RPS6KA2: variants seen among roughly 807,000 people sequenced by gnomAD.
RPS6KA2 encodes the protein ribosomal protein S6 kinase A2.
A neutral mutation model predicts 91.8 loss-of-function variants in RPS6KA2; 42 were observed. The observed-to-expected ratio is 0.46, with a 90% CI of 0.36 to 0.59. The LOEUF (loss-of-function observed/expected upper bound fraction) is 0.59, where lower values mean the gene tolerates loss of function less well. Ranked by LOEUF, RPS6KA2 falls within the 20% of genes least tolerant of loss-of-function variation. The pLI, the probability that RPS6KA2 is intolerant of heterozygous loss-of-function variation, is 0.00. For missense variants in RPS6KA2, 798 were observed against 978.5 expected (o/e 0.82, Z 2.46); for synonymous variants, 414 against 393.6 (o/e 1.05, Z -0.61).
Position 166,554,801 on chromosome 6 carries a change from A to G in RPS6KA2, c.100-16017T>C, listed in dbSNP as rs898220978. 6.6e-6 allele frequency among the ~76,000 whole-genome samples: 1 copy of G among 152,190 alleles called. No individual in the cohort carries two copies. ...TGAGAATTCTGATGTCAATGTGAGG[A>G]GACACTGCCCAGACCAGCAACTCCA... On this transcript the variant is annotated intron_variant, in intron 1 of 20. Coordinates refer to ENST00000265678, the MANE Select transcript of RPS6KA2 (RefSeq NM_021135.6). This position sits in a 1 kb window ranked among gnomAD's most constrained non-coding sequence, Gnocchi z 4.3.
At chr6:166,484,402 A>G (rs1420021303) in intron 10 of RPS6KA2, among the ~76,000 whole-genome samples, 1 of 152,038 alleles carries the variant, frequency 6.6e-6, no homozygotes, top group African/African-American at 2.4e-5. Context: ...CCTTCCTCCA[A>G]CCACAGATGC....
intron 2 of RPS6KA2, among the ~76,000 whole-genome samples, chr6:166,774,283 G>A (rs655734): frequency 0.13 from 20,391 of 152,140 alleles, 3,887 homozygotes; most frequent in African/African-American, 0.42. Flanking sequence ...GATTGTGCAC[G>A]TTCCTCAAAA....
intron 2 of RPS6KA2, among the ~76,000 whole-genome samples, chr6:166,669,577 G>T (rs1362797796): frequency 2.6e-5 from 4 of 152,174 alleles, no homozygotes; most frequent in African/African-American, 9.7e-5. Flanking sequence ...AGCACCGTTG[G>T]CTGCAAGACT....
intron 2 of RPS6KA2, among the ~76,000 whole-genome samples, chr6:166,785,925 T>C (rs1280240952): frequency 6.6e-6 from 1 of 152,200 alleles, no homozygotes; most frequent in Non-Finnish European, 1.5e-5. Flanking sequence ...TCTAACAAAA[T>C]AATAATAAAA....
chr6:166,653,345 G>A (rs1037903984), intron 2 of RPS6KA2, among the ~76,000 whole-genome samples: 1 of 152,220 alleles, frequency 6.6e-6, no homozygotes, highest in Non-Finnish European at 1.5e-5. Flanking sequence ...ACAGGCGTGA[G>A]CCGCCCTGCC....
At chr6:166,717,409 G>A (rs1328935644) in intron 2 of RPS6KA2, among the ~76,000 whole-genome samples, 2 of 152,170 alleles carry the variant, frequency 1.3e-5, no homozygotes, top group Non-Finnish European at 2.9e-5. Context: ...AGAGGCTGGC[G>A]CTGGGCACAC....
Position 166,557,906 on chromosome 6 carries a change from C to T in RPS6KA2, c.100-19122G>A, listed in dbSNP as rs917441727. Among the ~76,000 whole-genome samples, 1 of 151,820 alleles carries T rather than the reference C, an allele frequency of 6.6e-6. No individual in the cohort carries two copies. Among genetic ancestry groups the T allele is most frequent in the African/African-American group, 2.4e-5 (1 of 41,302 alleles). ...GTCAGGGTTCTTCAGAAAAACAAAACCAGTAGGTGATATGTGTGTATGTGT... is the reference window on the plus strand; with the variant it reads ...GTCAGGGTTCTTCAGAAAAACAAAATCAGTAGGTGATATGTGTGTATGTGT... On this transcript the variant is annotated intron_variant, in intron 1 of 20. Coordinates refer to ENST00000265678, the MANE Select transcript of RPS6KA2 (RefSeq NM_021135.6). This position sits in a 1 kb window ranked among gnomAD's most constrained non-coding sequence, Gnocchi z 4.8.
At chr6:166,757,721 T>C in intron 2 of RPS6KA2, 1 of 375,982 alleles carries the variant, frequency 2.7e-6, no homozygotes, top group Admixed American at 2.9e-5. Flanking sequence ...TCCTCTTCCC[T>C]CCCCTCACCC....
chr6:166,484,278 G>GGACACAAAGATGAGCCA (rs1781333229), intron 10 of RPS6KA2, among the ~76,000 whole-genome samples: 1 of 152,182 alleles, frequency 6.6e-6, no homozygotes, highest in Non-Finnish European at 1.5e-5. Flanking sequence ...TCCGAGAGCT[G>GGACACAAAGATGAGCCA]GACACAAAGA....
At chr6:166,586,270 T>C (rs1263193843) in intron 1 of RPS6KA2, 1 of 1,597,546 alleles carries the variant, frequency 6.3e-7, no homozygotes, top group African/African-American at 1.7e-5. Context: ...CACCCCCATC[T>C]GTTGTCCCTG....
chr6:166,706,844 T>C (rs563368472), intron 2 of RPS6KA2, among the ~76,000 whole-genome samples: 1 of 152,334 alleles, frequency 6.6e-6, no homozygotes, highest in South Asian at 2.1e-4. Flanking sequence ...AGTAAAATAG[T>C]ATTAAACAAG....
chr6:166,526,446 A>C (rs1020022711), intron 3 of RPS6KA2, among the ~76,000 whole-genome samples: 1 of 149,426 alleles, frequency 6.7e-6, no homozygotes, highest in Non-Finnish European at 1.5e-5. Context: ...CTTGGGCTTA[A>C]GCAATCCTCC....
At chr6:166,765,959 TC>T (rs1178601332) in intron 2 of RPS6KA2, among the ~76,000 whole-genome samples, 1 of 152,216 alleles carries the variant, frequency 6.6e-6, no homozygotes, top group African/African-American at 2.4e-5. Context: ...ACAAAACACT[TC>T]CCGCTTTCTA....
rs574865598 is a variant in RPS6KA2 at position 166,414,029 on chromosome 6, C to T, written c.1939-98G>A. 5.4e-6 allele frequency: 6 copies of T among 1,111,226 alleles called. No individual in the cohort carries two copies. In the South Asian group the frequency reaches 5.8e-5, roughly 11 times the overall value. 68.8% of individuals were successfully genotyped at this position (1,111,226 alleles called of 1,614,324 possible). A position where few individuals can be genotyped will look rare whatever the true frequency, so the allele number is the denominator to read the frequency against. ...GAACTCCTCTCCCTCTATGGCAACA[C>T]CCAACCACTATGCTGAGTGTGGGTC... On this transcript the variant is annotated intron_variant, in intron 19 of 20. Coordinates refer to ENST00000265678, the MANE Select transcript of RPS6KA2 (RefSeq NM_021135.6).
At chr6:166,693,850 T>C (rs149918604) in intron 2 of RPS6KA2, among the ~76,000 whole-genome samples, 1 of 152,304 alleles carries the variant, frequency 6.6e-6, no homozygotes, top group African/African-American at 2.4e-5. Context: ...TCACCAAGCT[T>C]AGACACACCC....
At chr6:166,776,608 C>T (rs867602754) in intron 2 of RPS6KA2, among the ~76,000 whole-genome samples, 13 of 152,300 alleles carry the variant, frequency 8.5e-5, no homozygotes, top group Middle Eastern at 3.4e-3. Context: ...CAATCCGTGC[C>T]GTCTCTGTGG....
rs1787680232 is a variant in RPS6KA2, at chr6:166,647,885, C to T, written c.124-109101G>A. On this transcript the variant is annotated intron_variant, in intron 2 of 21. Coordinates refer to the RPS6KA2 transcript ENST00000503859. ...ATACACACATGCACATGCTGACACA[C>T]ATACATACACACATGCTCACACACA... Among the ~76,000 whole-genome samples, 3 of 147,602 alleles carry T rather than the reference C, an allele frequency of 2.0e-5. 1 individual carries two copies. Among genetic ancestry groups the T allele is most frequent in the African/African-American group, 2.5e-5 (1 of 40,102 alleles).
intron 1 of RPS6KA2, among the ~76,000 whole-genome samples, chr6:166,601,469 C>T (rs1785726206): frequency 1.3e-5 from 2 of 152,094 alleles, no homozygotes; most frequent in Admixed American, 6.5e-5. Flanking sequence ...TTGAGAAAAC[C>T]CGATAAGATA....
intron 6 of RPS6KA2, among the ~76,000 whole-genome samples, 200 bp downstream of exon 6, chr6:166,504,306 A>G (rs573764820): frequency 6.6e-6 from 1 of 152,180 alleles, no homozygotes; most frequent in Non-Finnish European, 1.5e-5. Flanking sequence ...GGCATTTCCT[A>G]TGCAAATCAG....
Sources: gnomAD v4.1 joint callset for allele counts (sites outside exome capture counted in the v4.1 genomes callset) on GRCh38, gnomAD v4.1.1 for gene constraint, Gnocchi (gnomAD v3.1) non-coding constraint, MANE v1.5 for transcripts, NCBI Gene and HGNC (gene_info 2026-07-23, HGNC 2026-07-21) for gene names.